CSMD1: variants seen among roughly 807,000 people sequenced by gnomAD.
The protein encoded by CSMD1 is CUB and Sushi multiple domains 1.
Under a neutral mutation model 417.5 loss-of-function variants are expected in CSMD1, and 213 were observed. The observed-to-expected ratio is 0.51, with a 90% CI of 0.46 to 0.57. CSMD1 has a LOEUF of 0.57. CSMD1 is among the 20% of genes least tolerant of loss of function. The probability of loss-of-function intolerance (pLI) is 0.00; values close to 1 mark genes in which losing one functional copy is unlikely to be tolerated. For synonymous variants in CSMD1, 2,862 were observed against 1,736.8 expected (o/e 1.65, Z -16.11); for missense variants, 6,923 against 4,529.7 (o/e 1.53, Z -15.17).
chr8:3,596,441 G>T (rs1311972459), intron 8 of CSMD1, among the ~76,000 whole-genome samples: 1 of 152,194 alleles, frequency 6.6e-6, no homozygotes, highest in Non-Finnish European at 1.5e-5. Context: ...CCAAATCACA[G>T]ATGAGAACGA....
intron 5 of CSMD1, among the ~76,000 whole-genome samples, chr8:3,904,264 C>G (rs182542640): frequency 2.0e-5 from 3 of 152,186 alleles, no homozygotes; most frequent in African/African-American, 7.2e-5. Context: ...CCTTCCCTTA[C>G]CAAACAAATC....
chr8:3,173,145 T>C (rs896891460), intron 37 of CSMD1, among the ~76,000 whole-genome samples: 1 of 152,200 alleles, frequency 6.6e-6, no homozygotes, highest in African/African-American at 2.4e-5. Flanking sequence ...GTAATTTATT[T>C]GGCACCTGTC....
intron 1 of CSMD1, among the ~76,000 whole-genome samples, chr8:4,703,864 G>C (rs985321862): frequency 1.3e-5 from 2 of 152,130 alleles, no homozygotes. Context: ...ATTTTTCCAT[G>C]GACAGCAGGG....
rs762545512 is a variant in CSMD1, at chr8:3,308,434, T to G, written c.3701A>C (p.His1234Pro). 6.2e-7 allele frequency: 1 copy of G among 1,613,830 alleles called. No individual in the cohort carries two copies. Among genetic ancestry groups the G allele is most frequent in the Admixed American group, 1.7e-5 (1 of 60,022 alleles). The change falls in exon 24 of 70, where the codon CAC (histidine) becomes CCC (proline). Residue 1234 changes from histidine (H) to proline (P), a missense_variant. Physicochemically the swap from His to Pro is moderately conservative, Grantham distance 77. Transcript: ENST00000635120. ...GTACAGAACTACAGTGTCGGTAAAG[T>G]GGCCTTCATCACGGATCCTATAGCC... ...NYGYRIRDEG[H>P]FTDTVVLYSC...
chr8:3,109,814 CACACAG>C (rs1250043662), intron 43 of CSMD1, among the ~76,000 whole-genome samples: 3 of 151,468 alleles, frequency 2.0e-5, no homozygotes, highest in African/African-American at 7.3e-5. Flanking sequence ...ACACGTAAGC[CACACAG>C]ACATACACAA....
At chr8:4,469,300 T>C (rs946481412) in intron 2 of CSMD1, among the ~76,000 whole-genome samples, 3 of 152,118 alleles carry the variant, frequency 2.0e-5, no homozygotes, top group Non-Finnish European at 4.4e-5. Flanking sequence ...CAGTGGGACT[T>C]TCTCATTCTA....
chr8:4,532,611 C>A lies in CSMD1; in HGVS notation c.302+104731G>T, dbSNP rs185353817. Among the ~76,000 whole-genome samples the A allele has an allele frequency of 3.5e-3, 508 of 144,646 alleles. 3 individuals are homozygous for A. Among genetic ancestry groups the A allele is most frequent in the Non-Finnish European group, 5.9e-3 (395 of 66,498 alleles). The allele number at this position is 144,646 out of a possible 152,430, so 94.9% of individuals were successfully genotyped here. A position where few individuals can be genotyped will look rare whatever the true frequency, so the allele number is the denominator to read the frequency against. ...TCACTCTGGAAGAGAAATCCTGCAC[C>A]GCCATTCAGAGTCACTCTGGAAGAG... On this transcript the variant is annotated intron_variant, in intron 2 of 69. Coordinates refer to ENST00000635120, the MANE Select transcript of CSMD1 (RefSeq NM_033225.6).
intron 49 of CSMD1, among the ~76,000 whole-genome samples, chr8:3,081,478 GTTTTCAAATAAAAA>G (rs1037094224): frequency 2.0e-5 from 3 of 151,952 alleles, no homozygotes; most frequent in African/African-American, 7.2e-5. Flanking sequence ...TTTTTTTACA[GTTTTCAAATAAAAA>G]TTTTCAAATA....
At chr8:4,554,764 T>C (rs1316186714) in intron 2 of CSMD1, among the ~76,000 whole-genome samples, 1 of 152,338 alleles carries the variant, frequency 6.6e-6, no homozygotes, top group Admixed American at 6.5e-5. Flanking sequence ...GTGCTAGTCA[T>C]TGGCCAGGGA....
chr8:3,829,018 C>A (rs375456401), intron 5 of CSMD1, among the ~76,000 whole-genome samples: 1 of 150,670 alleles, frequency 6.6e-6, no homozygotes, highest in African/African-American at 2.4e-5. Flanking sequence ...AATCACCTTT[C>A]TTTTTTTTTA....
At chr8:4,148,794 C>T (rs1414124321) in intron 3 of CSMD1, among the ~76,000 whole-genome samples, 1 of 152,120 alleles carries the variant, frequency 6.6e-6, no homozygotes. Context: ...TCAACAGGTG[C>T]ATTGGGAAGG....
intron 7 of CSMD1, among the ~76,000 whole-genome samples, chr8:3,644,733 G>T (rs576672822): frequency 6.6e-6 from 1 of 152,096 alleles, no homozygotes; most frequent in East Asian, 1.9e-4. Flanking sequence ...CTGTCAGGGG[G>T]GTGCAGTGCC....
intron 51 of CSMD1, among the ~76,000 whole-genome samples, chr8:3,020,673 C>T (rs1356275429): frequency 6.6e-6 from 1 of 152,124 alleles, no homozygotes; most frequent in Admixed American, 6.5e-5. Context: ...GTCTTTACTC[C>T]ATGTTATGAT....
chr8:4,780,613 G>A (rs1447445822), intron 1 of CSMD1, among the ~76,000 whole-genome samples: 4 of 151,952 alleles, frequency 2.6e-5, no homozygotes, highest in African/African-American at 7.3e-5. Context: ...GGTGGTATTT[G>A]GTTACATGAA....
intron 5 of CSMD1, among the ~76,000 whole-genome samples, chr8:3,970,070 G>C (rs1369071651): frequency 6.6e-6 from 1 of 152,140 alleles, no homozygotes; most frequent in African/African-American, 2.4e-5. Context: ...AGTAGTCTAT[G>C]TTAGGTGCTG....
chr8:3,884,291 T>C (rs548980398), intron 5 of CSMD1, among the ~76,000 whole-genome samples: 58 of 152,330 alleles, frequency 3.8e-4, no homozygotes, highest in African/African-American at 1.3e-3. Flanking sequence ...TGGCCACTTG[T>C]GTTTGTTATA....
chr8:4,282,946 C>G (rs933895630), intron 3 of CSMD1, among the ~76,000 whole-genome samples: 8 of 152,086 alleles, frequency 5.3e-5, no homozygotes, highest in African/African-American at 9.7e-5. Context: ...AAATCTGACC[C>G]TACACTTTTC....
chr8:3,747,405 G>C, intron 6 of CSMD1, among the ~76,000 whole-genome samples: 1 of 147,896 alleles, frequency 6.8e-6, no homozygotes, highest in South Asian at 2.3e-4. Flanking sequence ...GAAATATTAT[G>C]TAGACACAGT....
At chr8:3,726,501 G>A (rs931795125) in intron 6 of CSMD1, among the ~76,000 whole-genome samples, 2 of 151,954 alleles carry the variant, frequency 1.3e-5, no homozygotes, top group African/African-American at 4.8e-5. Flanking sequence ...GAGATGAGAG[G>A]CCAACTCTGA....
Sources: gnomAD v4.1 joint callset for allele counts (sites outside exome capture counted in the v4.1 genomes callset) on GRCh38, gnomAD v4.1.1 for gene constraint, MANE v1.5 for transcripts, NCBI Gene and HGNC (gene_info 2026-07-23, HGNC 2026-07-21) for gene names.